Variants in KCNT2 observed in about 807,000 individuals in gnomAD.
The protein encoded by KCNT2 is potassium sodium-activated channel subfamily T member 2, also known as potassium channel subfamily T member 2.
Under a neutral mutation model 153.8 loss-of-function variants are expected in KCNT2, and 67 were observed. The ratio of observed to expected loss-of-function variants is 0.44; its 90% CI spans 0.36 to 0.53. The LOEUF (loss-of-function observed/expected upper bound fraction) is 0.53. Ranked by LOEUF, KCNT2 falls within the 20% of genes least tolerant of loss-of-function variation. KCNT2 has a pLI of 0.00. For missense variants in KCNT2, 975 were observed against 1,354.8 expected (o/e 0.72, Z 4.40); for synonymous variants, 500 against 458.8 (o/e 1.09, Z -1.15).
chr1:196,583,451 G>A (rs1662298988), intron 1 of KCNT2, among the ~76,000 whole-genome samples: 1 of 151,982 alleles, frequency 6.6e-6, no homozygotes, highest in East Asian at 1.9e-4. Context: ...TTAGAGCTCT[G>A]CACAGAGAAG....
chr1:196,327,020 T>C lies in KCNT2; in HGVS notation c.2104-131A>G, dbSNP rs983745583. On this transcript the variant is annotated intron_variant, in intron 18 of 27. Transcript: ENST00000294725. The stretch of plus-strand genomic sequence containing the variant: ...CCTTATTTTCTAATAAATTTGAAAA[T>C]AGTTACATTTTTCTGTGCCCATTTC... The C allele has an allele frequency of 4.8e-5, 28 of 578,292 alleles. No homozygotes were observed. In the South Asian group the frequency reaches 5.6e-4, roughly 12 times the overall value. The allele number at this position is 578,292 out of a possible 1,614,324, so 35.8% of individuals were successfully genotyped here. A position where few individuals can be genotyped will look rare whatever the true frequency, so the allele number is the denominator to read the frequency against.
At chr1:196,375,909 G>T (rs1668925090) in intron 13 of KCNT2, among the ~76,000 whole-genome samples, 1 of 151,770 alleles carries the variant, frequency 6.6e-6, no homozygotes, top group Non-Finnish European at 1.5e-5. Context: ...CAAGGAAAAA[G>T]ATATGATATA....
At chr1:196,462,475 G>A (rs961892175) in intron 8 of KCNT2, among the ~76,000 whole-genome samples, 3 of 151,678 alleles carry the variant, frequency 2.0e-5, no homozygotes, top group African/African-American at 7.2e-5. Flanking sequence ...TATATTTTAG[G>A]CACAGTGGTT....
chr1:196,601,870 A>G (rs1482306073), intron 1 of KCNT2, among the ~76,000 whole-genome samples: 1 of 152,180 alleles, frequency 6.6e-6, no homozygotes, highest in Non-Finnish European at 1.5e-5. Flanking sequence ...TCCTAATTTC[A>G]AAAAGAAGTT....
intron 26 of KCNT2, among the ~76,000 whole-genome samples, chr1:196,254,202 A>G (rs1656254995): frequency 6.6e-6 from 1 of 151,452 alleles, no homozygotes; most frequent in South Asian, 2.1e-4. Flanking sequence ...ATAAAGTTCT[A>G]TGAACAGAAT....
At chr1:196,327,415 C>A (rs893277053) in intron 18 of KCNT2, among the ~76,000 whole-genome samples, 5 of 151,786 alleles carry the variant, frequency 3.3e-5, no homozygotes, top group Non-Finnish European at 5.9e-5. Flanking sequence ...CCCAATAATA[C>A]CAACAAAAAC....
intron 26 of KCNT2, among the ~76,000 whole-genome samples, chr1:196,248,139 C>T (rs971841465): frequency 6.6e-6 from 1 of 151,804 alleles, no homozygotes; most frequent in Non-Finnish European, 1.5e-5. Flanking sequence ...CTATGGGGTA[C>T]AATGAAAGCG....
intron 4 of KCNT2, 85 bp downstream of exon 4, chr1:196,482,246 G>C: frequency 3.7e-6 from 3 of 801,662 alleles, no homozygotes; most frequent in Non-Finnish European, 6.2e-6. Context: ...AACTCATTTT[G>C]AACATCAAAA....
chr1:196,591,616 A>G (rs1023857010), intron 1 of KCNT2, among the ~76,000 whole-genome samples: 11 of 152,310 alleles, frequency 7.2e-5, no homozygotes, highest in Admixed American at 5.2e-4. Flanking sequence ...CTCTCATAGT[A>G]CAATCCTTTG....
intron 5 of KCNT2, among the ~76,000 whole-genome samples, chr1:196,471,279 G>C (rs1295193297): frequency 2.0e-5 from 3 of 152,116 alleles, no homozygotes; most frequent in African/African-American, 7.2e-5. Flanking sequence ...GAACCTCTCT[G>C]AGATGTCATC....
chr1:196,443,958 T>G (rs574049760), intron 8 of KCNT2, among the ~76,000 whole-genome samples: 3 of 151,310 alleles, frequency 2.0e-5, no homozygotes, highest in African/African-American at 7.3e-5. Flanking sequence ...ACAGATAATA[T>G]AACTAAAATG....
chr1:196,400,221 T>G (rs1671296366), intron 12 of KCNT2, among the ~76,000 whole-genome samples: 1 of 151,762 alleles, frequency 6.6e-6, no homozygotes, highest in Admixed American at 6.6e-5. Flanking sequence ...GATAACTTAA[T>G]GGAGGATTAC....
At chr1:196,524,687 C>T (rs1558040016) in intron 1 of KCNT2, among the ~76,000 whole-genome samples, 1 of 151,990 alleles carries the variant, frequency 6.6e-6, no homozygotes, top group Non-Finnish European at 1.5e-5. Flanking sequence ...TCTTCATTTT[C>T]CTATATCCCG....
At chr1:196,357,503 C>T (rs1667268256) in intron 14 of KCNT2, among the ~76,000 whole-genome samples, 1 of 151,854 alleles carries the variant, frequency 6.6e-6, no homozygotes, top group South Asian at 2.1e-4. Context: ...GAGTGCCTGA[C>T]TTTTCTAATT....
At chr1:196,534,877 C>T (rs1362918757) in intron 1 of KCNT2, among the ~76,000 whole-genome samples, 1 of 152,134 alleles carries the variant, frequency 6.6e-6, no homozygotes, top group Non-Finnish European at 1.5e-5. Flanking sequence ...TCTCAGCATC[C>T]TCAATTCTAG....
chr1:196,463,448 A>G (rs1677330569), intron 8 of KCNT2, among the ~76,000 whole-genome samples: 1 of 151,798 alleles, frequency 6.6e-6, no homozygotes, highest in Admixed American at 6.6e-5. Context: ...TTAAGAATAT[A>G]TTATGATACA....
intron 1 of KCNT2, among the ~76,000 whole-genome samples, chr1:196,572,729 C>G (rs1660922142): frequency 6.6e-6 from 1 of 151,988 alleles, no homozygotes; most frequent in African/African-American, 2.4e-5. Flanking sequence ...TCAATAAAAT[C>G]TGATGAAGAG....
chr1:196,492,230 A>T (rs1378281261), intron 2 of KCNT2, 32 bp downstream of exon 2: 10 of 1,386,270 alleles, frequency 7.2e-6, no homozygotes, highest in African/African-American at 1.5e-5. Flanking sequence ...AAATATATGT[A>T]CGAACAGAGG....
At chr1:196,380,102 T>C (rs1669347727) in intron 13 of KCNT2, among the ~76,000 whole-genome samples, 1 of 152,238 alleles carries the variant, frequency 6.6e-6, no homozygotes, top group Non-Finnish European at 1.5e-5. Context: ...AATGCTGAAT[T>C]CTGCAAGAAT....
Sources: gnomAD v4.1 joint callset for allele counts (sites outside exome capture counted in the v4.1 genomes callset) on GRCh38, gnomAD v4.1.1 for gene constraint, MANE v1.5 for transcripts, NCBI Gene and HGNC (gene_info 2026-07-23, HGNC 2026-07-21) for gene names.